ADAM18: variants seen among roughly 807,000 people sequenced by gnomAD.
ADAM18 encodes ADAM metallopeptidase domain 18, also known as disintegrin and metalloproteinase domain-containing protein 18.
Under a neutral mutation model 94.4 loss-of-function variants are expected in ADAM18, and 117 were observed. The observed-to-expected ratio is 1.24, with a 90% CI of 1.07 to 1.45. ADAM18 has a LOEUF of 1.45. Ranked by LOEUF, ADAM18 falls within the 40% of genes most tolerant of loss-of-function variation. The pLI, the probability that ADAM18 is intolerant of heterozygous loss-of-function variation, is 0.00. For synonymous variants in ADAM18, 327 were observed against 291.6 expected, an observed-to-expected ratio of 1.12 and a Z score of -1.24; for missense variants, 936 against 880.0, an observed-to-expected ratio of 1.06 and a Z score of -0.81.
intron 4 of ADAM18, 99 bp downstream of exon 4, chr8:39,609,219 C>A: frequency 1.1e-6 from 1 of 894,570 alleles, no homozygotes; most frequent in Non-Finnish European, 1.7e-6. Flanking sequence ...TTTATCCTTA[C>A]TGACATGTTA....
At position 39,680,180 on chromosome 8, in the gene ADAM18, C is replaced by G. The variant is rs1046157781; in HGVS notation, c.1775C>G (p.Thr592Arg). 3 of 1,613,736 alleles carry G rather than the reference C, an allele frequency of 1.9e-6. No individual in the cohort carries two copies. Among genetic ancestry groups the G allele is most frequent in the African/African-American group, 2.7e-5 (2 of 75,014 alleles). The change falls in exon 16 of 20, where the codon ACA becomes AGA. Residue 592 changes from threonine to arginine, a missense_variant. Thr to Arg is a moderately conservative substitution (Grantham distance 71, BLOSUM62 -1). Transcript: ENST00000265707. ...ATGSSMRSDG[T>R]DNAYVADGTM... ...GGTTCCTCCATGAGATCAGATGGAACAGACAATGCCTATGTGGCTGATGGC... is the reference window on the plus strand; with the variant it reads ...GGTTCCTCCATGAGATCAGATGGAAGAGACAATGCCTATGTGGCTGATGGC...
At chr8:39,676,100 A>G (rs1480517851) in intron 14 of ADAM18, among the ~76,000 whole-genome samples, 3 of 152,250 alleles carry the variant, frequency 2.0e-5, no homozygotes, top group Non-Finnish European at 4.4e-5. Context: ...CTACATGGGG[A>G]TCAGGGATCC....
intron 12 of ADAM18, 85 bp downstream of exon 12, chr8:39,648,612 A>T: frequency 8.2e-7 from 1 of 1,213,430 alleles, no homozygotes; most frequent in Non-Finnish European, 1.1e-6. Context: ...TATATAAATG[A>T]TATATGCAAC....
At chr8:39,593,184 G>A (rs554663664) in intron 2 of ADAM18, among the ~76,000 whole-genome samples, 4 of 152,286 alleles carry the variant, frequency 2.6e-5, no homozygotes, top group Middle Eastern at 3.4e-3. Context: ...TTTAGCTTAA[G>A]GGAATGTTAC....
chr8:39,618,107 T>C (rs1042506580), intron 6 of ADAM18, among the ~76,000 whole-genome samples: 2 of 152,288 alleles, frequency 1.3e-5, no homozygotes, highest in East Asian at 3.9e-4. Flanking sequence ...GAAAAGTATA[T>C]ATTTAATACA....
In ADAM18 at chr8:39,584,656, G is replaced by C. The variant is rs1212133360; in HGVS notation, c.34G>C (p.Gly12Arg). Reference sequence around the variant, plus strand: ...TCTCCTCGCCCTCCTCACTGAGCTTGGAAGACTGCAAGCCCACGAAGGTAA... The same window carrying C: ...TCTCCTCGCCCTCCTCACTGAGCTTCGAAGACTGCAAGCCCACGAAGGTAA... ...FLLLALLTEL[G>R]RLQAHEGSEG... The change falls in exon 1 of 20, where the codon GGA becomes CGA. Residue 12 changes from glycine to arginine, a missense_variant. Transcript: ENST00000265707. 6.2e-7 allele frequency: 1 copy of C among 1,613,398 alleles called. No individual in the cohort carries two copies. Among genetic ancestry groups the C allele is most frequent in the East Asian group, 2.2e-5 (1 of 44,882 alleles).
chr8:39,612,203 G>A (rs1366165124), intron 6 of ADAM18, among the ~76,000 whole-genome samples: 1 of 152,038 alleles, frequency 6.6e-6, no homozygotes, highest in African/African-American at 2.4e-5. Flanking sequence ...TCTCCCACCG[G>A]AAAACCAGAC....
At chr8:39,688,774 G>T (rs1001185062) in intron 16 of ADAM18, among the ~76,000 whole-genome samples, 4 of 151,984 alleles carry the variant, frequency 2.6e-5, no homozygotes, top group African/African-American at 9.7e-5. Context: ...TTAAAACTTG[G>T]AGGAATCACC....
intron 16 of ADAM18, among the ~76,000 whole-genome samples, 198 bp downstream of exon 16, chr8:39,680,424 C>G (rs557401429): frequency 6.6e-6 from 1 of 152,246 alleles, no homozygotes; most frequent in East Asian, 1.9e-4. Flanking sequence ...AAAATATTAT[C>G]AGTCCTTATG....
At chr8:39,707,274 C>T (rs993882561) in intron 18 of ADAM18, among the ~76,000 whole-genome samples, 1 of 152,194 alleles carries the variant, frequency 6.6e-6, no homozygotes, top group East Asian at 1.9e-4. Context: ...GAGACACAGC[C>T]TCTCCAGCAA....
chr8:39,668,240 C>A (rs767798737), intron 14 of ADAM18, 44 bp downstream of exon 14: 53 of 1,574,604 alleles, frequency 3.4e-5, no homozygotes, highest in Non-Finnish European at 4.5e-5. Context: ...ACATTTGCAT[C>A]TCTCTGTAGA....
rs114555452 is a variant in ADAM18, at chr8:39,693,575, A to G, written c.1902+895A>G. Among the ~76,000 whole-genome samples the G allele has an allele frequency of 5.7e-3, 868 of 151,270 alleles. 5 individuals carry two copies. Among genetic ancestry groups the G allele is most frequent in the African/African-American group, 0.02 (825 of 41,454 alleles). Reference sequence around the variant, plus strand: ...CATATCTGATATGTGTAACTTATATACATTTTTATACATTATCAATTTTTG... The same window carrying G: ...CATATCTGATATGTGTAACTTATATGCATTTTTATACATTATCAATTTTTG... On this transcript the variant is annotated intron_variant, in intron 17 of 19. Transcript: ENST00000265707.
chr8:39,667,746 G>A (rs911724787), intron 13 of ADAM18, among the ~76,000 whole-genome samples: 13 of 152,156 alleles, frequency 8.5e-5, no homozygotes, highest in African/African-American at 2.9e-4. Context: ...ATTTCAAAAT[G>A]TAGAGCACAA....
In ADAM18 at chr8:39,616,100, A is replaced by G. The variant is rs1238738976; in HGVS notation, c.522+5394A>G. 2.0e-5 allele frequency among the ~76,000 whole-genome samples: 3 copies of G among 152,148 alleles called. No homozygotes were observed. The East Asian group carries it at 5.8e-4, about 29-fold the overall frequency. ...TATTTTATGCCCATGGTTAGGAAGG[A>G]AGGATCAATATTGTTAAAATGGGCC... On this transcript the variant is annotated intron_variant, in intron 6 of 19. Transcript: ENST00000265707.
At chr8:39,643,691 TC>T (rs1820299192) in intron 10 of ADAM18, among the ~76,000 whole-genome samples, 1 of 152,074 alleles carries the variant, frequency 6.6e-6, no homozygotes, top group African/African-American at 2.4e-5. Flanking sequence ...TTGCTGGCAA[TC>T]TTTGGCATTT....
At chr8:39,692,525 A>G (rs1320206820) in intron 16 of ADAM18, 75 bp from the exon 17 acceptor site, 13 of 829,400 alleles carry the variant, frequency 1.6e-5, no homozygotes, top group Non-Finnish European at 2.4e-5. Context: ...TTATACATAT[A>G]TAGAAATCAT....
intron 13 of ADAM18, among the ~76,000 whole-genome samples, chr8:39,664,853 A>G (rs117172322): frequency 0.037 from 5,655 of 152,298 alleles, 143 homozygotes; most frequent in Middle Eastern, 0.079. Context: ...ATAAGAAAAC[A>G]AGTTCCTTAG....
chr8:39,615,382 A>C (rs1939670966), intron 6 of ADAM18, among the ~76,000 whole-genome samples: 1 of 152,166 alleles, frequency 6.6e-6, no homozygotes, highest in Admixed American at 6.5e-5. Context: ...TTAAGGCAGA[A>C]ATCAAGAAAT....
intron 18 of ADAM18, among the ~76,000 whole-genome samples, chr8:39,716,986 T>C (rs1822595824): frequency 6.6e-6 from 1 of 151,926 alleles, no homozygotes; most frequent in Non-Finnish European, 1.5e-5. Flanking sequence ...TTGTCTGATA[T>C]AAGTCTGACC....
Sources: gnomAD v4.1 joint callset for allele counts (sites outside exome capture counted in the v4.1 genomes callset) on GRCh38, gnomAD v4.1.1 for gene constraint, MANE v1.5 for transcripts, NCBI Gene and HGNC (gene_info 2026-07-23, HGNC 2026-07-21) for gene names.